The following KIF1C variants were observed in gnomAD, a reference collection of about 807,000 sequenced individuals.
KIF1C encodes kinesin-like protein KIF1C.
A neutral mutation model predicts 126.5 loss-of-function variants in KIF1C; 61 were observed. The ratio of observed to expected loss-of-function variants is 0.48; its 90% CI spans 0.39 to 0.60. KIF1C has a LOEUF of 0.60. Ranked by LOEUF, KIF1C falls within the 20% of genes least tolerant of loss-of-function variation. KIF1C has a pLI of 0.00. For missense variants in KIF1C, 1,315 were observed against 1,489.2 expected (o/e 0.88, Z 1.93); for synonymous variants, 640 against 580.6 (o/e 1.10, Z -1.47).
chr17:5,006,110 G>T, intron 13 of KIF1C, among the ~76,000 whole-genome samples: 1 of 149,648 alleles, frequency 6.7e-6, no homozygotes, highest in African/African-American at 2.4e-5. Context: ...GGGAGACTGA[G>T]GCAGGAGAAT....
Position 5,027,278 on chromosome 17 carries a change from A to ACAAC in KIF1C, c.*3129_*3132dup. 1 of 152,250 alleles carries ACAAC rather than the reference A, an allele frequency of 6.6e-6. No homozygotes were observed. Among genetic ancestry groups the ACAAC allele is most frequent in the African/African-American group, 2.4e-5 (1 of 41,538 alleles). 9.4% of individuals were successfully genotyped at this position (152,250 alleles called of 1,614,324 possible). On this transcript the variant is annotated 3_prime_UTR_variant, in exon 23 of 23. Transcript: ENST00000320785. The stretch of plus-strand genomic sequence containing the variant: ...TGAGTAGCTAGGATTACAGGCGCCC[A>ACAAC]CAACCGCACCCGGCTAATTTTTTGT...
At chr17:5,019,937 ACC>A in intron 18 of KIF1C, 57 bp from the exon 19 acceptor site, 1 of 1,392,334 alleles carries the variant, frequency 7.2e-7, no homozygotes, top group Non-Finnish European at 1.0e-6. Context: ...GGAATCTGTG[ACC>A]ATGACCCACC....
chr17:5,001,936 C>G (rs116435540), intron 5 of KIF1C, 123 bp from the exon 6 acceptor site: 1 of 830,584 alleles, frequency 1.2e-6, no homozygotes, highest in East Asian at 2.5e-5. Flanking sequence ...GGGAATAACC[C>G]CTCCCTCAAG....
intron 5 of KIF1C, 130 bp downstream of exon 5, chr17:5,001,531 A>C: frequency 1.1e-6 from 1 of 919,748 alleles, no homozygotes; most frequent in Non-Finnish European, 1.6e-6. Flanking sequence ...TGGGAGATAG[A>C]GGTTGACTGC....
chr17:5,003,663 T>G lies in KIF1C; in HGVS notation c.772T>G (p.Ser258Ala), dbSNP rs770752941. 8.1e-6 allele frequency: 13 copies of G among 1,613,746 alleles called. No individual in the cohort carries two copies. The East Asian group carries it at 2.9e-4, about 36-fold the overall frequency. ...TGCTGGGAGTGAGCGAGCCGACTCCTCAGGGGCCCGGGGCATGCGCCTGAA... is the reference window on the plus strand; with the variant it reads ...TGCTGGGAGTGAGCGAGCCGACTCCGCAGGGGCCCGGGGCATGCGCCTGAA... Reference protein sequence around the residue: ...DLAGSERADSSGARGMRLKEG... With the variant: ...DLAGSERADSAGARGMRLKEG... Residue 258 changes from serine to alanine, a missense_variant, in exon 9 of 23, where the codon TCA becomes GCA. Ser to Ala is a moderately conservative substitution (Grantham distance 99). Transcript: ENST00000320785.
intron 13 of KIF1C, among the ~76,000 whole-genome samples, chr17:5,006,396 G>A (rs1275394349): frequency 1.3e-5 from 2 of 151,562 alleles, no homozygotes; most frequent in Non-Finnish European, 2.9e-5. Context: ...GAGTGCAATG[G>A]CGTGGTCTCG....
chr17:5,002,897 G>A, intron 8 of KIF1C, 55 bp downstream of exon 8: 1 of 1,396,066 alleles, frequency 7.2e-7, no homozygotes, highest in Non-Finnish European at 1.0e-6. Context: ...CCTGGCAACA[G>A]GGACAGTGAC....
intron 16 of KIF1C, among the ~76,000 whole-genome samples, chr17:5,009,903 C>G (rs1974824066): frequency 6.6e-6 from 1 of 151,984 alleles, no homozygotes; most frequent in Non-Finnish European, 1.5e-5. Context: ...CACGGCCTCT[C>G]TAATAGTTGT....
intron 5 of KIF1C, among the ~76,000 whole-genome samples, chr17:5,001,831 G>A (rs923529310): frequency 6.6e-6 from 1 of 152,232 alleles, no homozygotes; most frequent in African/African-American, 2.4e-5. Context: ...TTGGGAGTCA[G>A]AACTCCTGGG....
Position 5,014,765 on chromosome 17 carries a change from A to G in KIF1C, c.1594A>G (p.Ile532Val). The G allele has an allele frequency of 1.3e-6, 2 of 1,598,582 alleles. No homozygotes were observed. Among genetic ancestry groups the G allele is most frequent in the Non-Finnish European group, 1.7e-6 (2 of 1,173,050 alleles). Residue 532 changes from isoleucine (I) to valine (V), a missense_variant, in exon 18 of 23, where the codon ATC becomes GTC. Coordinates refer to ENST00000320785, the MANE Select transcript of KIF1C (RefSeq NM_006612.6). The part of the protein sequence containing the change: ...VTRVGQVDMD[I>V]KLTGQFIREQ... The stretch of plus-strand genomic sequence containing the variant: ...CAGGGTCGGCCAAGTAGATATGGAC[A>G]TCAAGCTGACCGGACAGTTCATTCG...
chr17:5,004,946 G>A lies in KIF1C; in HGVS notation c.1111G>A (p.Ala371Thr), dbSNP rs142056835. ...RLIRELQEEV[A>T]RLRELLMAQG... Reference sequence around the variant, plus strand: ...GATTAGAGAGCTGCAGGAGGAAGTAGCCCGGCTGCGGGAACTGCTGATGGC... The same window carrying A: ...GATTAGAGAGCTGCAGGAGGAAGTAACCCGGCTGCGGGAACTGCTGATGGC... Residue 371 changes from alanine (A) to threonine (T), a missense_variant, in exon 13 of 23, where the codon GCC becomes ACC. Physicochemically the swap from Ala to Thr is moderately conservative, Grantham distance 58. This residue lies in a region of KIF1C where 874 missense variants were observed against 1,053.2 expected (regional missense o/e 0.83). Transcript: ENST00000320785. 6,883 of 1,614,248 alleles carry A rather than the reference G, an allele frequency of 4.3e-3. 20 individuals are homozygous for A. The highest frequency in any genetic ancestry group is 5.0e-3 in the Non-Finnish European group (5,885 of 1,180,048).
intron 18 of KIF1C, among the ~76,000 whole-genome samples, chr17:5,016,694 A>G (rs1974979202): frequency 6.6e-6 from 1 of 151,514 alleles, no homozygotes; most frequent in South Asian, 2.1e-4. Flanking sequence ...ACTTGAGGTC[A>G]GGAGTTTGAA....
rs1975058407 is a variant in KIF1C, at chr17:5,020,203, A to C, written c.1750+124A>C. The C allele has an allele frequency of 1.3e-6, 1 of 786,574 alleles. No homozygotes were observed. The highest frequency in any genetic ancestry group is 2.7e-5 in the East Asian group (1 of 37,466). The allele number at this position is 786,574 out of a possible 1,614,324, so 48.7% of individuals were successfully genotyped here. A position where few individuals can be genotyped will look rare whatever the true frequency, so the allele number is the denominator to read the frequency against. On this transcript the variant is annotated intron_variant, in intron 19 of 22. Coordinates refer to ENST00000320785, the MANE Select transcript of KIF1C (RefSeq NM_006612.6). The surrounding 1 kb of genome is among the most constrained non-coding windows in gnomAD (Gnocchi z 5.8). The stretch of plus-strand genomic sequence containing the variant: ...AATACATCAGAAATAGCACGGGGAT[A>C]TAAAGAAGGAACTGGGAAGTGAAGG...
intron 16 of KIF1C, 129 bp downstream of exon 16, chr17:5,007,671 T>A (rs1974767033): frequency 1.5e-6 from 1 of 645,458 alleles, no homozygotes. Flanking sequence ...CCCTCCATCA[T>A]TTCTGTCCCC....
intron 16 of KIF1C, among the ~76,000 whole-genome samples, chr17:5,012,230 A>G (rs780349190): frequency 1.3e-5 from 2 of 152,182 alleles, no homozygotes; most frequent in Non-Finnish European, 2.9e-5. Context: ...GGTGAGGTAG[A>G]AAGGCCACAG....
rs185185243 is a variant in KIF1C at position 5,023,888 on chromosome 17, G to A, written c.3049G>A (p.Ala1017Thr). Residue 1017 changes from alanine (A) to threonine (T), a missense_variant, in exon 23 of 23, where the codon GCC becomes ACC. Ala to Thr is a moderately conservative substitution (Grantham distance 58). Coordinates refer to ENST00000320785, the MANE Select transcript of KIF1C (RefSeq NM_006612.6). The surrounding 1 kb of genome is among the most constrained non-coding windows in gnomAD (Gnocchi z 4.2). ...EEVTPHPATP[A>T]RRPPSPRRSH... is the part of the protein sequence containing the mutation. Reference sequence around the variant, plus strand: ...GGTCACTCCCCATCCAGCCACCCCTGCCCGCCGGCCTCCGAGTCCCCGAAG... The same window carrying A: ...GGTCACTCCCCATCCAGCCACCCCTACCCGCCGGCCTCCGAGTCCCCGAAG... The A allele has an allele frequency of 3.8e-4, 588 of 1,544,144 alleles. 2 individuals are homozygous for A. In the East Asian group the frequency reaches 0.012, roughly 31 times the overall value.
intron 13 of KIF1C, among the ~76,000 whole-genome samples, chr17:5,006,148 G>A (rs901772383): frequency 2.0e-5 from 3 of 148,594 alleles, no homozygotes; most frequent in Admixed American, 6.8e-5. Context: ...TGGAGGTTGC[G>A]GTGAGCCAAG....
At position 5,014,063 on chromosome 17, in the gene KIF1C, G is replaced by T. The variant is rs535261011; in HGVS notation, c.1571+331G>T. 51 of 316,598 alleles carry T rather than the reference G, an allele frequency of 1.6e-4. No individual in the cohort carries two copies. The East Asian group carries it at 3.1e-3, about 19-fold the overall frequency. The allele number at this position is 316,598 out of a possible 1,614,324, so 19.6% of individuals were successfully genotyped here. A position where few individuals can be genotyped will look rare whatever the true frequency, so the allele number is the denominator to read the frequency against. ...GGGGCCTTCCCTGGGGGCGGGAGAAGGGAAACACGGCCTGGTCTGTGCGGT... is the reference window on the plus strand; with the variant it reads ...GGGGCCTTCCCTGGGGGCGGGAGAATGGAAACACGGCCTGGTCTGTGCGGT... On this transcript the variant is annotated intron_variant, in intron 17 of 22. Transcript: ENST00000320785.
chr17:5,005,342 G>A (rs1275142117), intron 13 of KIF1C, among the ~76,000 whole-genome samples: 1 of 152,250 alleles, frequency 6.6e-6, no homozygotes, highest in Non-Finnish European at 1.5e-5. Flanking sequence ...CTTGACAGAA[G>A]TTCTTGCAAA....
Sources: gnomAD v4.1 joint callset for allele counts (sites outside exome capture counted in the v4.1 genomes callset) on GRCh38, gnomAD v4.1.1 for gene constraint, gnomAD v4.1.1 regional missense constraint, Gnocchi (gnomAD v3.1) non-coding constraint, MANE v1.5 for transcripts, NCBI Gene and HGNC (gene_info 2026-07-23, HGNC 2026-07-21) for gene names.